PSAP: variants seen among roughly 807,000 people sequenced by gnomAD.
PSAP encodes precursor of saposins.
Under a neutral mutation model 66.0 loss-of-function variants are expected in PSAP, and 25 were observed. The ratio of observed to expected loss-of-function variants is 0.38; its 90% CI spans 0.28 to 0.53. The LOEUF is 0.53. Ranked by LOEUF, PSAP falls within the 20% of genes least tolerant of loss-of-function variation. PSAP has a pLI of 0.83. For missense variants in PSAP, 649 were observed against 668.8 expected (o/e 0.97, Z 0.33); for synonymous variants, 273 against 258.9 (o/e 1.05, Z -0.52).
At chr10:71,823,289 T>C (rs957376427) in intron 7 of PSAP, among the ~76,000 whole-genome samples, 6 of 152,212 alleles carry the variant, frequency 3.9e-5, no homozygotes, top group African/African-American at 1.4e-4. Flanking sequence ...TGCCATCTGA[T>C]GTGGCTCTAG....
intron 2 of PSAP, among the ~76,000 whole-genome samples, chr10:71,832,631 C>G (rs549420095): frequency 2.0e-5 from 3 of 152,236 alleles, no homozygotes; most frequent in Non-Finnish European, 2.9e-5. Flanking sequence ...GAGGGGGTAT[C>G]AATTCCAGGA....
intron 4 of PSAP, among the ~76,000 whole-genome samples, chr10:71,829,398 C>T (rs999139376): frequency 2.0e-5 from 3 of 152,110 alleles, no homozygotes; most frequent in African/African-American, 4.8e-5. Context: ...TGGGAGGTAA[C>T]TGAATCACGG....
chr10:71,817,133 A>G lies in PSAP; in HGVS notation c.*308T>C, dbSNP rs2133024834. The G allele has an allele frequency of 2.1e-6, 1 of 485,388 alleles. No homozygotes were observed. Among genetic ancestry groups the G allele is most frequent in the Middle Eastern group, 5.7e-4 (1 of 1,742 alleles). The allele number at this position is 485,388 out of a possible 1,614,324, so 30.1% of individuals were successfully genotyped here. On this transcript the variant is annotated 3_prime_UTR_variant, in exon 14 of 14. Coordinates refer to ENST00000394936, the MANE Select transcript of PSAP (RefSeq NM_002778.4). Reference sequence around the variant, plus strand: ...AGGGTTGATGGCCTCCAGTCAAGAAACTGTGGCTCATGCCAGCAGAGCTCT... The same window carrying G: ...AGGGTTGATGGCCTCCAGTCAAGAAGCTGTGGCTCATGCCAGCAGAGCTCT...
At chr10:71,839,505 T>A (rs1464567522) in intron 1 of PSAP, among the ~76,000 whole-genome samples, 2 of 152,146 alleles carry the variant, frequency 1.3e-5, no homozygotes, top group African/African-American at 4.8e-5. Flanking sequence ...CCCAAAGTGC[T>A]AGGATTACAA....
chr10:71,840,283 C>T (rs934429179), intron 1 of PSAP, among the ~76,000 whole-genome samples: 5 of 152,128 alleles, frequency 3.3e-5, no homozygotes, highest in African/African-American at 4.8e-5. Flanking sequence ...CTGGGTAAGG[C>T]GGCACCATGG....
Position 71,849,798 on chromosome 10 carries a change from C to T in PSAP, c.40+1384G>A, listed in dbSNP as rs547981380. 5.9e-5 allele frequency among the ~76,000 whole-genome samples: 9 copies of T among 152,164 alleles called. 1 individual carries two copies. The South Asian group carries it at 1.9e-3, about 32-fold the overall frequency. ...TGCTGGGATTACAGGCATAAGCCAC[C>T]GCACCCAGATGCAAGACATTTCAAA... On this transcript the variant is annotated intron_variant, in intron 1 of 13. Transcript: ENST00000394936.
At chr10:71,840,270 T>C (rs1186776867) in intron 1 of PSAP, among the ~76,000 whole-genome samples, 3 of 151,928 alleles carry the variant, frequency 2.0e-5, no homozygotes, top group East Asian at 3.9e-4. Context: ...GCAGATCTGC[T>C]GCCTGGGTAA....
intron 7 of PSAP, chr10:71,825,612 C>A: frequency 1.5e-6 from 1 of 664,086 alleles, no homozygotes; most frequent in South Asian, 1.5e-5. Flanking sequence ...CAGGAAGCCA[C>A]CAGGGCAGTC....
At chr10:71,825,277 C>T (rs1300562586) in intron 7 of PSAP, among the ~76,000 whole-genome samples, 1 of 152,194 alleles carries the variant, frequency 6.6e-6, no homozygotes, top group South Asian at 2.1e-4. Context: ...CCGTTCCCAA[C>T]GTGAGCAGGC....
At chr10:71,846,426 A>T (rs1842825099) in intron 1 of PSAP, among the ~76,000 whole-genome samples, 1 of 108,406 alleles carries the variant, frequency 9.2e-6, no homozygotes, top group African/African-American at 6.4e-5. Flanking sequence ...TAAAGCCCTT[A>T]AAAAAAAAAA....
chr10:71,849,369 T>C (rs910782779), intron 1 of PSAP, among the ~76,000 whole-genome samples: 9 of 152,220 alleles, frequency 5.9e-5, no homozygotes, highest in Admixed American at 1.3e-4. Context: ...TTGTTACTTT[T>C]TATTAAAATT....
chr10:71,826,003 C>A, intron 6 of PSAP, 110 bp from the exon 7 acceptor site: 3 of 912,744 alleles, frequency 3.3e-6, no homozygotes, highest in Non-Finnish European at 5.3e-6. Context: ...GACTATCAAG[C>A]AAGTTTCTAA....
intron 2 of PSAP, among the ~76,000 whole-genome samples, chr10:71,833,761 C>T (rs990165089): frequency 1.3e-5 from 2 of 152,178 alleles, no homozygotes; most frequent in African/African-American, 4.8e-5. Flanking sequence ...TAGACCATGC[C>T]CCACATTAAT....
chr10:71,848,302 G>A (rs529708040), intron 1 of PSAP, among the ~76,000 whole-genome samples: 5 of 152,336 alleles, frequency 3.3e-5, no homozygotes, highest in South Asian at 2.1e-4. Context: ...AATCGTCCAC[G>A]TATGTAACTT....
Position 71,834,436 on chromosome 10 carries a change from T to C in PSAP, c.110A>G (p.Lys37Arg), listed in dbSNP as rs1842582423. 1.2e-6 allele frequency: 2 copies of C among 1,614,022 alleles called. No homozygotes were observed. The highest frequency in any genetic ancestry group is 4.5e-5 in the East Asian group (2 of 44,882). The part of the protein sequence containing the change: ...RGSAVWCQNV[K>R]TASDCGAVKH... Reference sequence around the variant, plus strand: ...CACTGCCCCGCAGTCGGACGCCGTCTTCACATTCTGGCACCACACTGCCGA... The same window carrying C: ...CACTGCCCCGCAGTCGGACGCCGTCCTCACATTCTGGCACCACACTGCCGA... The change falls in exon 2 of 14, where the codon AAG becomes AGG. Residue 37 changes from lysine (K) to arginine (R), a missense_variant. Coordinates refer to ENST00000394936, the MANE Select transcript of PSAP (RefSeq NM_002778.4).
Position 71,818,689 on chromosome 10 carries a change from C to T in PSAP, c.1467G>A (p.Leu489=). Residue 489 remains leucine (L), a synonymous_variant, in exon 13 of 14, where the codon TTG becomes TTA. Coordinates refer to ENST00000394936, the MANE Select transcript of PSAP (RefSeq NM_002778.4). ...CCCATATACACTTCTCAGTTCCCAA[C>T]AAGGGCTTATGGGCCGAGGGGCAGG... ...IGACPSAHKP[L]LGTEKCIWGP... is the part of the protein sequence containing the mutation. 1.2e-6 allele frequency: 2 copies of T among 1,614,168 alleles called. No individual in the cohort carries two copies. The highest frequency in any genetic ancestry group is 1.7e-6 in the Non-Finnish European group (2 of 1,180,038).
intron 6 of PSAP, among the ~76,000 whole-genome samples, chr10:71,827,497 C>T (rs993280293): frequency 2.6e-5 from 4 of 151,730 alleles, no homozygotes; most frequent in Non-Finnish European, 4.4e-5. Flanking sequence ...GAGGCTGAAG[C>T]GGGCAGATCA....
At chr10:71,828,183 AACTTAAGAGG>A in intron 5 of PSAP, 26 bp from the exon 6 acceptor site, 1 of 1,614,016 alleles carries the variant, frequency 6.2e-7, no homozygotes, top group Non-Finnish European at 8.5e-7. Context: ...TTAGGTTTGC[AACTTAAGAGG>A]ACTCAAATTC....
intron 10 of PSAP, 23 bp downstream of exon 10, chr10:71,819,691 C>T: frequency 6.2e-7 from 1 of 1,614,120 alleles, no homozygotes; most frequent in Middle Eastern, 1.6e-4. Flanking sequence ...ACCATCCTCT[C>T]CCGCACCACA....
Sources: gnomAD v4.1 joint callset for allele counts (sites outside exome capture counted in the v4.1 genomes callset) on GRCh38, gnomAD v4.1.1 for gene constraint, MANE v1.5 for transcripts, NCBI Gene and HGNC (gene_info 2026-07-23, HGNC 2026-07-21) for gene names.